The following SH2D5 variants were observed in gnomAD, a reference collection of about 807,000 sequenced individuals.
The protein encoded by SH2D5 is SH2 domain containing 5.
A neutral mutation model predicts 48.2 loss-of-function variants in SH2D5; 45 were observed. The ratio of observed to expected loss-of-function variants is 0.93; its 90% CI spans 0.73 to 1.20. The LOEUF (loss-of-function observed/expected upper bound fraction) is 1.20, where lower values mean the gene tolerates loss of function less well. Ranked by LOEUF, SH2D5 falls within the 50% of genes most tolerant of loss-of-function variation. The pLI is 0.00. For synonymous variants in SH2D5, 230 were observed against 249.8 expected, an observed-to-expected ratio of 0.92 and a Z score of 0.75; for missense variants, 538 against 584.1, an observed-to-expected ratio of 0.92 and a Z score of 0.81.
At chr1:20,730,224 G>C (rs1175740055) in intron 1 of SH2D5, among the ~76,000 whole-genome samples, 1 of 150,832 alleles carries the variant, frequency 6.6e-6, no homozygotes, top group African/African-American at 2.4e-5. Context: ...GGCAGGAACA[G>C]AGAAGGGCGA....
At position 20,721,524 on chromosome 1, in the gene SH2D5, T is replaced by G; in HGVS notation, c.*268A>C. 2.4e-6 allele frequency: 1 copy of G among 417,854 alleles called. No individual in the cohort carries two copies. The highest frequency in any genetic ancestry group is 3.6e-5 in the East Asian group (1 of 27,836). The allele number at this position is 417,854 out of a possible 1,614,324, so 25.9% of individuals were successfully genotyped here. A position where few individuals can be genotyped will look rare whatever the true frequency, so the allele number is the denominator to read the frequency against. On this transcript the variant is annotated 3_prime_UTR_variant, in exon 10 of 10. Coordinates refer to ENST00000444387, the MANE Select transcript of SH2D5 (RefSeq NM_001103161.2). Reference sequence around the variant, plus strand: ...AAAGCATCCGAAGCCACACAGCAGGTCATCCGAAGCCACCCAAAGGGTTAT... The same window carrying G: ...AAAGCATCCGAAGCCACACAGCAGGGCATCCGAAGCCACCCAAAGGGTTAT...
intron 4 of SH2D5, 97 bp from the exon 5 acceptor site, chr1:20,726,163 A>G: frequency 7.2e-7 from 1 of 1,398,542 alleles, no homozygotes; most frequent in Non-Finnish European, 9.6e-7. Context: ...CCCTCCTTCC[A>G]GGCCCGCCCA....
chr1:20,723,340 A>G lies in SH2D5; in HGVS notation c.908+286T>C, dbSNP rs151135742. 4.5e-3 allele frequency among the ~76,000 whole-genome samples: 688 copies of G among 152,316 alleles called. 5 individuals are homozygous for G. The highest frequency in any genetic ancestry group is 0.016 in the African/African-American group (658 of 41,576). On this transcript the variant is annotated intron_variant, in intron 8 of 9. Transcript: ENST00000444387. ...ACTCTCTCAGGAGAGAGGCTTAAAG[A>G]GCTGACGCTTAGGGGCCTCGCCCTG...
rs115191420 is a variant in SH2D5 at position 20,723,155 on chromosome 1, C to T, written c.909-240G>A. 3.6e-3 allele frequency among the ~76,000 whole-genome samples: 541 copies of T among 152,268 alleles called. 2 individuals are homozygous for T. Among genetic ancestry groups the T allele is most frequent in the Admixed American group, 6.8e-3 (104 of 15,292 alleles). ...ATGACCATGCTACTGCACTTCAGCA[C>T]GGGTGACAGAATGAGACCCTGTCTC... On this transcript the variant is annotated intron_variant, in intron 8 of 9. Coordinates refer to ENST00000444387, the MANE Select transcript of SH2D5 (RefSeq NM_001103161.2).
intron 5 of SH2D5, among the ~76,000 whole-genome samples, chr1:20,725,176 G>C (rs571512493): frequency 6.6e-6 from 1 of 152,220 alleles, no homozygotes; most frequent in African/African-American, 2.4e-5. Context: ...CGGGAGCAGC[G>C]CATCCCAACC....
Position 20,728,614 on chromosome 1 carries a change from G to A in SH2D5, c.-42-528C>T, listed in dbSNP as rs567361970. ...GGGCGCCATCAAAGAGAAGGGCAGT[G>A]ACAGCGGCAGAAACAGAGACTGCAA... On this transcript the variant is annotated intron_variant, in intron 1 of 9. Coordinates refer to ENST00000444387, the MANE Select transcript of SH2D5 (RefSeq NM_001103161.2). The surrounding 1 kb of genome is among the most constrained non-coding windows in gnomAD (Gnocchi z 4.3). Among the ~76,000 whole-genome samples the A allele has an allele frequency of 6.6e-6, 1 of 152,316 alleles. No individual in the cohort carries two copies. Among genetic ancestry groups the A allele is most frequent in the South Asian group, 2.1e-4 (1 of 4,828 alleles).
chr1:20,728,061 GGCTTCCAGCTC>G lies in SH2D5; in HGVS notation c.-28_-18del. On this transcript the variant is annotated 5_prime_UTR_variant, in exon 2 of 10. Transcript: ENST00000444387. This position sits in a 1 kb window ranked among gnomAD's most constrained non-coding sequence, Gnocchi z 4.3. ...CTTCTGCATGGCCCCCAGGGTGCCT[GGCTTCCAGCTC>G]CACGGGAGGGGAGGCTGCAAAGGGC... 1 of 1,520,754 alleles carries G rather than the reference GGCTTCCAGCTC, an allele frequency of 6.6e-7. No individual in the cohort carries two copies. The highest frequency in any genetic ancestry group is 8.9e-7 in the Non-Finnish European group (1 of 1,126,632). The allele number at this position is 1,520,754 out of a possible 1,614,324, so 94.2% of individuals were successfully genotyped here. A position where few individuals can be genotyped will look rare whatever the true frequency, so the allele number is the denominator to read the frequency against.
chr1:20,727,134 C>A, intron 3 of SH2D5, 59 bp from the exon 4 acceptor site: 1 of 1,453,252 alleles, frequency 6.9e-7, no homozygotes, highest in Admixed American at 1.9e-5. Context: ...CTTGGCCTGC[C>A]CAGCCTCAGG....
At chr1:20,724,735 C>G in intron 5 of SH2D5, 100 bp from the exon 6 acceptor site, 3 of 1,378,576 alleles carry the variant, frequency 2.2e-6, no homozygotes, top group Admixed American at 2.9e-5. Context: ...CATGCAGCCC[C>G]TTGGCTTCGG....
chr1:20,731,614 G>T (rs688182), intron 1 of SH2D5: 2,937 of 152,560 alleles, frequency 0.019, 23 homozygotes, highest in Non-Finnish European at 0.023. Context: ...AGCGGGGTGA[G>T]GAGAAGGCGA....
intron 4 of SH2D5, 111 bp from the exon 5 acceptor site, chr1:20,726,177 T>C: frequency 7.6e-7 from 1 of 1,318,626 alleles, no homozygotes; most frequent in East Asian, 2.5e-5. Context: ...CCGCCCAGTC[T>C]CAAGCCCTCA....
Position 20,721,502 on chromosome 1 carries a change from GCATCCGAAGCCACACAGCAGGT to G in SH2D5, c.*268_*289del, listed in dbSNP as rs2054683942. 8 of 374,588 alleles carry G rather than the reference GCATCCGAAGCCACACAGCAGGT, an allele frequency of 2.1e-5. No homozygotes were observed. In the South Asian group the frequency reaches 6.9e-4, roughly 33 times the overall value. The allele number at this position is 374,588 out of a possible 1,614,324, so 23.2% of individuals were successfully genotyped here. On this transcript the variant is annotated 3_prime_UTR_variant, in exon 10 of 10. Transcript: ENST00000444387. ...AAAGCAGAAGCCCAGAAGTCCCAAA[GCATCCGAAGCCACACAGCAGGT>G]CATCCGAAGCCACCCAAAGGGTTAT...
intron 9 of SH2D5, among the ~76,000 whole-genome samples, chr1:20,722,214 T>C (rs1455847734): frequency 1.3e-5 from 2 of 152,128 alleles, no homozygotes. Context: ...GGTACACATG[T>C]GAAAAGCCTC....
At chr1:20,724,672 AGG>A in intron 5 of SH2D5, 37 bp from the exon 6 acceptor site, 1 of 1,497,460 alleles carries the variant, frequency 6.7e-7, no homozygotes. Context: ...CAGCTGGAGG[AGG>A]TCTCCATCTC....
At chr1:20,726,883 C>T in intron 4 of SH2D5, 118 bp downstream of exon 4, 1 of 809,734 alleles carries the variant, frequency 1.2e-6, no homozygotes, top group South Asian at 2.5e-5. Context: ...GCCAGGGGGA[C>T]CCCAGGGGAA....
rs188776048 is a variant in SH2D5, at chr1:20,726,322, G to A, written c.244-256C>T. On this transcript the variant is annotated intron_variant, in intron 4 of 9. Coordinates refer to ENST00000444387, the MANE Select transcript of SH2D5 (RefSeq NM_001103161.2). ...CCCTGGAGGCAGGTGACTGGGGTGC[G>A]AATCCTGGCTCTGCCACTCATTTGT... Among the ~76,000 whole-genome samples, 408 of 152,304 alleles carry A rather than the reference G, an allele frequency of 2.7e-3. No individual in the cohort carries two copies. The Middle Eastern group carries it at 0.034, about 13-fold the overall frequency.
chr1:20,721,928 A>G lies in SH2D5; in HGVS notation c.1136T>C (p.Leu379Pro), dbSNP rs924979252. ...GCGGCCCATGTCGAGGGGACAGAAG[A>G]GGCTACGTTCAGTAACCGCGTGGTT... ...VENHAVTERS[L>P]FCPLDMGRLN... Residue 379 changes from leucine to proline, a missense_variant, in exon 10 of 10, where the codon CTC becomes CCC. By Grantham distance (98) the Leu-to-Pro change is moderately conservative (BLOSUM62 -3). Coordinates refer to ENST00000444387, the MANE Select transcript of SH2D5 (RefSeq NM_001103161.2). 1.9e-6 allele frequency: 3 copies of G among 1,613,064 alleles called. No homozygotes were observed. The highest frequency in any genetic ancestry group is 2.5e-6 in the Non-Finnish European group (3 of 1,179,998).
In SH2D5 at chr1:20,729,266, C is replaced by T. The variant is rs2054864256; in HGVS notation, c.-42-1180G>A. Among the ~76,000 whole-genome samples, 1 of 152,192 alleles carries T rather than the reference C, an allele frequency of 6.6e-6. No individual in the cohort carries two copies. Among genetic ancestry groups the T allele is most frequent in the Non-Finnish European group, 1.5e-5 (1 of 68,032 alleles). On this transcript the variant is annotated intron_variant, in intron 1 of 9. Coordinates refer to ENST00000444387, the MANE Select transcript of SH2D5 (RefSeq NM_001103161.2). The surrounding 1 kb of genome is among the most constrained non-coding windows in gnomAD (Gnocchi z 4.2). ...TGGCGAGGTCCCCCAGGACTCAGCT[C>T]CCTCGGTCTCTCCTGGGACCAGTGA... is the stretch of plus-strand genomic sequence containing the variant.
chr1:20,728,108 G>A lies in SH2D5; in HGVS notation c.-42-22C>T. The A allele has an allele frequency of 8.1e-7, 1 of 1,238,890 alleles. No individual in the cohort carries two copies. 76.7% of individuals were successfully genotyped at this position (1,238,890 alleles called of 1,614,324 possible). ...GAGGCTGCAAAGGGCAGGGGGGGAA[G>A]GGCTGCTTTCGAGGCAGGCAAGCCA... On this transcript the variant is annotated intron_variant, in intron 1 of 9. Coordinates refer to ENST00000444387, the MANE Select transcript of SH2D5 (RefSeq NM_001103161.2). This position sits in a 1 kb window ranked among gnomAD's most constrained non-coding sequence, Gnocchi z 4.3.
Sources: allele counts gnomAD v4.1 joint callset (sites outside exome capture counted in the v4.1 genomes callset), GRCh38; gene constraint gnomAD v4.1.1; non-coding constraint Gnocchi (gnomAD v3.1); transcripts MANE v1.5; gene names NCBI Gene and HGNC (gene_info 2026-07-23, HGNC 2026-07-21).